Variants in CCDC201 observed in about 807,000 individuals in gnomAD.
CCDC201 encodes coiled-coil domain-containing protein 201.
the CCDC201 span, among the ~76,000 whole-genome samples, chr7:45,879,044 G>A: frequency 6.6e-6 from 1 of 152,184 alleles, no homozygotes; most frequent in Non-Finnish European, 1.5e-5. Context: ...TCTCTCTCAA[G>A]TTCAAAGTTT....
exon 2 of CCDC201, chr7:45,866,166 C>T (rs746353184): frequency 1.0e-4 from 21 of 201,424 alleles, no homozygotes; most frequent in East Asian, 8.1e-4. Flanking sequence ...CTGCCGCTGC[C>T]GCTGCCGCTG....
At chr7:45,864,916 G>A (rs1458630950) in intron 2 of CCDC201, among the ~76,000 whole-genome samples, 1 of 152,144 alleles carries the variant, frequency 6.6e-6, no homozygotes, top group Non-Finnish European at 1.5e-5. Flanking sequence ...AGGAAAAGTA[G>A]GGGAAGGTCT....
At chr7:45,873,313 C>T (rs976350868), upstream of CCDC201, among the ~76,000 whole-genome samples, 3 of 138,984 alleles carry the variant, frequency 2.2e-5, no homozygotes, top group Non-Finnish European at 4.5e-5. Flanking sequence ...GTGCCAAATA[C>T]TGTTTGATGT....
exon 3 of CCDC201, chr7:45,860,880 TTAAC>T (rs1562788423): frequency 6.6e-6 from 1 of 152,240 alleles, no homozygotes. Flanking sequence ...TTTGAACACT[TTAAC>T]TAGAGTGCCT....
At chr7:45,874,018 C>T (rs1483890902), upstream of CCDC201, among the ~76,000 whole-genome samples, 1 of 149,162 alleles carries the variant, frequency 6.7e-6, no homozygotes, top group East Asian at 2.0e-4. Flanking sequence ...CTCCTGGGGT[C>T]AAAGGATCCT....
chr7:45,864,426 T>C (rs1786640631), intron 2 of CCDC201, among the ~76,000 whole-genome samples: 1 of 152,106 alleles, frequency 6.6e-6, no homozygotes, highest in Non-Finnish European at 1.5e-5. Flanking sequence ...TGGCCGCAGG[T>C]GGGAACATTA....
chr7:45,862,655 G>A (rs998341349), exon 3 of CCDC201: 2 of 152,222 alleles, frequency 1.3e-5, no homozygotes, highest in African/African-American at 4.8e-5. Context: ...TGGGGCATTG[G>A]CCCAACTCTT....
intron 1 of CCDC201, 79 bp downstream of exon 1, chr7:45,872,911 C>A: frequency 6.5e-6 from 1 of 153,150 alleles, no homozygotes. Flanking sequence ...GCCTTGAGGG[C>A]CCTTCCTTCC....
At chr7:45,878,347 A>G in the CCDC201 span, among the ~76,000 whole-genome samples, 1 of 152,240 alleles carries the variant, frequency 6.6e-6, no homozygotes, top group Non-Finnish European at 1.5e-5. Context: ...TGGGGTCTTC[A>G]GCCCCACATT....
chr7:45,883,872 G>T, the CCDC201 span, among the ~76,000 whole-genome samples: 1,641 of 152,164 alleles, frequency 0.011, 19 homozygotes, highest in Non-Finnish European at 0.018. Context: ...TCAGCTTCTG[G>T]GTGTCTGGTT....
At chr7:45,880,577 A>G in the CCDC201 span, among the ~76,000 whole-genome samples, 9 of 152,282 alleles carry the variant, frequency 5.9e-5, no homozygotes, top group African/African-American at 1.9e-4. Context: ...ACCCCATGTG[A>G]TGGGCACGTT....
At chr7:45,863,803 C>T (rs770179118) in intron 2 of CCDC201, among the ~76,000 whole-genome samples, 1 of 152,064 alleles carries the variant, frequency 6.6e-6, no homozygotes, top group Non-Finnish European at 1.5e-5. Context: ...TTCCTAACGC[C>T]CTGAAAGTGT....
chr7:45,881,757 AT>A, the CCDC201 span, among the ~76,000 whole-genome samples: 1 of 152,138 alleles, frequency 6.6e-6, no homozygotes, highest in African/African-American at 2.4e-5. Flanking sequence ...CCTCGCTTCC[AT>A]CGCCAACACT....
chr7:45,880,492 C>A, the CCDC201 span, among the ~76,000 whole-genome samples: 3 of 152,010 alleles, frequency 2.0e-5, no homozygotes, highest in South Asian at 2.1e-4. Context: ...CAGGTGATGG[C>A]CTGCCAGGTG....
the CCDC201 span, among the ~76,000 whole-genome samples, chr7:45,882,153 T>A: frequency 6.6e-6 from 1 of 152,158 alleles, no homozygotes; most frequent in Non-Finnish European, 1.5e-5. Context: ...CCTTGACTCT[T>A]GTATTGTTTT....
the CCDC201 span, among the ~76,000 whole-genome samples, chr7:45,878,583 C>A: frequency 0.013 from 2,035 of 152,342 alleles, 34 homozygotes; most frequent in African/African-American, 0.046. Context: ...ACCTTGGCCA[C>A]TTTTCACCAT....
upstream of CCDC201, among the ~76,000 whole-genome samples, chr7:45,877,782 T>C (rs1050308624): frequency 6.6e-6 from 1 of 152,178 alleles, no homozygotes; most frequent in Non-Finnish European, 1.5e-5. Context: ...ATTCTGCTCC[T>C]GGCCCCTGTG....
upstream of CCDC201, among the ~76,000 whole-genome samples, chr7:45,875,387 T>A (rs1175984037): frequency 1.4e-5 from 2 of 146,558 alleles, no homozygotes; most frequent in African/African-American, 5.1e-5. Context: ...CCCAGCTACT[T>A]GGGAGGCGGA....
At chr7:45,883,700 C>T in the CCDC201 span, among the ~76,000 whole-genome samples, 360 of 152,302 alleles carry the variant, frequency 2.4e-3, 1 homozygote, top group African/African-American at 8.1e-3. Flanking sequence ...ACTATGTGGG[C>T]CATCCCATCT....
Sources: gnomAD v4.1 joint callset for allele counts (sites outside exome capture counted in the v4.1 genomes callset) on GRCh38, gnomAD v4.1.1 for gene constraint, MANE v1.5 for transcripts, NCBI Gene and HGNC (gene_info 2026-07-23, HGNC 2026-07-21) for gene names.